Variants in TSPAN18 observed in about 807,000 individuals in gnomAD.
TSPAN18 encodes the protein tetraspanin-18.
In TSPAN18, 14 loss-of-function variants were observed where a neutral mutation model predicts 27.3. The ratio of observed to expected loss-of-function variants is 0.51; its 90% CI spans 0.34 to 0.80. The LOEUF is 0.80. TSPAN18 is among the 30% of genes least tolerant of loss of function. The probability of loss-of-function intolerance (pLI) is 0.01; values close to 1 mark genes in which losing one functional copy is unlikely to be tolerated. For missense variants in TSPAN18, 268 were observed against 323.9 expected (o/e 0.83, Z 1.32); for synonymous variants, 143 against 136.5 (o/e 1.05, Z -0.33).
At chr11:44,825,863 T>C (rs1290842710) in intron 2 of TSPAN18, among the ~76,000 whole-genome samples, 1 of 152,186 alleles carries the variant, frequency 6.6e-6, no homozygotes. Context: ...CTCTGTCTAC[T>C]GTCTACAGGC....
chr11:44,908,769 G>GAGAA (rs370907948), intron 4 of TSPAN18, among the ~76,000 whole-genome samples: 6,359 of 71,504 alleles, frequency 0.089, 595 homozygotes, highest in Non-Finnish European at 0.097. Flanking sequence ...AGAGAGAAAG[G>GAGAA]AGAAAGAAAG....
chr11:44,863,962 G>T (rs1197648480), intron 3 of TSPAN18, among the ~76,000 whole-genome samples: 2 of 152,104 alleles, frequency 1.3e-5, no homozygotes, highest in East Asian at 3.8e-4. Context: ...AGTCTTCAGT[G>T]TATAGGTGCC....
At chr11:44,742,537 T>C (rs533701772) in intron 1 of TSPAN18, among the ~76,000 whole-genome samples, 4 of 152,212 alleles carry the variant, frequency 2.6e-5, no homozygotes, top group Non-Finnish European at 5.9e-5. Context: ...CTGGTCTGTC[T>C]TAGAACCTGC....
intron 2 of TSPAN18, among the ~76,000 whole-genome samples, chr11:44,777,631 G>A (rs138525237): frequency 1.2e-3 from 190 of 152,290 alleles, no homozygotes; most frequent in African/African-American, 4.3e-3. Flanking sequence ...GAGAGAAATT[G>A]CATGGTTTGT....
In TSPAN18 at chr11:44,931,429, C is replaced by CAGA. The variant is rs1860558248; in HGVS notation, c.*2254_*2256dup. 6.4e-6 allele frequency: 1 copy of CAGA among 155,582 alleles called. No individual in the cohort carries two copies. Among genetic ancestry groups the CAGA allele is most frequent in the African/African-American group, 2.4e-5 (1 of 41,466 alleles). The allele number at this position is 155,582 out of a possible 1,614,324, so 9.6% of individuals were successfully genotyped here. A position where few individuals can be genotyped will look rare whatever the true frequency, so the allele number is the denominator to read the frequency against. ...GGGCATCCCAGGCTTCTGGGGCCCA[C>CAGA]AGAAGTCAGAGGGAGGACCCAAGAG... is the stretch of plus-strand genomic sequence containing the variant. On this transcript the variant is annotated 3_prime_UTR_variant, in exon 10 of 10. Transcript: ENST00000520358.
At chr11:44,741,093 C>T (rs1247239004) in intron 1 of TSPAN18, among the ~76,000 whole-genome samples, 1 of 152,154 alleles carries the variant, frequency 6.6e-6, no homozygotes, top group Non-Finnish European at 1.5e-5. Context: ...GGAACATGAC[C>T]TCGGAGCCTT....
intron 3 of TSPAN18, among the ~76,000 whole-genome samples, chr11:44,896,781 TGCC>T (rs756816206): frequency 2.0e-4 from 31 of 151,806 alleles, no homozygotes; most frequent in Middle Eastern, 3.4e-3. Context: ...TCCTCCACGC[TGCC>T]ACCACCACCA....
chr11:44,902,529 A>G (rs758836913), intron 3 of TSPAN18, among the ~76,000 whole-genome samples: 7 of 152,218 alleles, frequency 4.6e-5, no homozygotes, highest in Non-Finnish European at 8.8e-5. Context: ...GTCAGTGATG[A>G]TGGTTGAGAT....
chr11:44,819,394 G>A (rs1011823346), intron 2 of TSPAN18, among the ~76,000 whole-genome samples: 5 of 152,202 alleles, frequency 3.3e-5, no homozygotes, highest in African/African-American at 1.2e-4. Context: ...GGGGCCCAGG[G>A]AACTTGCTCT....
intron 2 of TSPAN18, among the ~76,000 whole-genome samples, chr11:44,801,018 T>C (rs1396580133): frequency 6.6e-6 from 1 of 152,220 alleles, no homozygotes; most frequent in African/African-American, 2.4e-5. Context: ...ACCCCTAGGC[T>C]GAAGCTTTTT....
At chr11:44,893,591 G>C (rs1350488103) in intron 3 of TSPAN18, among the ~76,000 whole-genome samples, 1 of 152,170 alleles carries the variant, frequency 6.6e-6, no homozygotes, top group Non-Finnish European at 1.5e-5. Flanking sequence ...CCGGCGTCCT[G>C]ACCAAGGAAA....
rs1564988879 is a variant in TSPAN18 at position 44,906,494 on chromosome 11, G to A, written c.63+15G>A. The A allele has an allele frequency of 1.9e-6, 3 of 1,611,504 alleles. No homozygotes were observed. Among genetic ancestry groups the A allele is most frequent in the Non-Finnish European group, 8.5e-7 (1 of 1,177,696 alleles). On this transcript the variant is annotated intron_variant, in intron 4 of 9. Coordinates refer to ENST00000520358, the MANE Select transcript of TSPAN18 (RefSeq NM_130783.5). The stretch of plus-strand genomic sequence containing the variant: ...TCTTCATATTTGTAAGTATTCCTGG[G>A]TCTTCCCAGGCCTCTGCTGGGTGGG...
intron 1 of TSPAN18, among the ~76,000 whole-genome samples, chr11:44,747,414 T>G (rs1267440300): frequency 7.2e-5 from 11 of 152,200 alleles, no homozygotes. Context: ...TAGGCTTATC[T>G]GGAAAATGGG....
intron 2 of TSPAN18, among the ~76,000 whole-genome samples, chr11:44,824,461 G>A (rs1385816999): frequency 1.3e-5 from 2 of 152,346 alleles, no homozygotes; most frequent in Middle Eastern, 3.4e-3. Flanking sequence ...CACTGGGAAA[G>A]TTCAGAAAGG....
At chr11:44,789,910 A>G (rs1191618463) in intron 2 of TSPAN18, among the ~76,000 whole-genome samples, 2 of 152,232 alleles carry the variant, frequency 1.3e-5, no homozygotes, top group African/African-American at 4.8e-5. Flanking sequence ...AGGAGCTGGA[A>G]GGCCCCCTGG....
intron 1 of TSPAN18, among the ~76,000 whole-genome samples, chr11:44,761,354 C>T (rs1312269655): frequency 6.6e-6 from 1 of 152,222 alleles, no homozygotes; most frequent in Non-Finnish European, 1.5e-5. Flanking sequence ...CAGGACAGCT[C>T]TGGCTCTAAC....
At chr11:44,758,067 T>C (rs1468452612) in intron 1 of TSPAN18, among the ~76,000 whole-genome samples, 2 of 152,236 alleles carry the variant, frequency 1.3e-5, no homozygotes, top group African/African-American at 4.8e-5. Context: ...TTGCTCTGGC[T>C]AGAACTTCTA....
intron 2 of TSPAN18, among the ~76,000 whole-genome samples, chr11:44,858,107 C>G (rs1377435154): frequency 6.6e-6 from 1 of 152,224 alleles, no homozygotes; most frequent in Non-Finnish European, 1.5e-5. Flanking sequence ...GATGATAGCA[C>G]TGTTAGAATG....
At chr11:44,749,226 A>T (rs1450841404) in intron 1 of TSPAN18, among the ~76,000 whole-genome samples, 1 of 152,254 alleles carries the variant, frequency 6.6e-6, no homozygotes, top group Non-Finnish European at 1.5e-5. Flanking sequence ...ATGAGCCTTG[A>T]GCGAGTCTCT....
Sources: gnomAD v4.1 joint callset for allele counts (sites outside exome capture counted in the v4.1 genomes callset) on GRCh38, gnomAD v4.1.1 for gene constraint, MANE v1.5 for transcripts, NCBI Gene and HGNC (gene_info 2026-07-23, HGNC 2026-07-21) for gene names.